Variants in CSPP1 observed in about 807,000 individuals in gnomAD.
CSPP1 encodes centrosome and spindle pole-associated protein 1.
In CSPP1, 126 loss-of-function variants were observed where a neutral mutation model predicts 164.4. The ratio of observed to expected loss-of-function variants is 0.77; its 90% CI spans 0.66 to 0.89. The LOEUF is 0.89. CSPP1 is among the 40% of genes least tolerant of loss of function. CSPP1 has a pLI of 0.00. For synonymous variants in CSPP1, 472 were observed against 476.7 expected (o/e 0.99, Z 0.13); for missense variants, 1,395 against 1,449.8 (o/e 0.96, Z 0.61).
chr8:67,184,941 T>TAAAAAAA (rs1834077276), intron 28 of CSPP1, among the ~76,000 whole-genome samples: 1 of 22,328 alleles, frequency 4.5e-5, no homozygotes, highest in African/African-American at 1.7e-4. Flanking sequence ...CTACTAAAAA[T>TAAAAAAA]ACAAAAAAAA....
At chr8:67,064,650 T>G (rs2129538491) in intron 1 of CSPP1, 112 bp downstream of exon 1, 8 of 633,294 alleles carry the variant, frequency 1.3e-5, no homozygotes, top group East Asian at 2.0e-4. Flanking sequence ...TCGAGGCAAC[T>G]AGGCCGGCGA....
chr8:67,158,672 C>T, intron 20 of CSPP1, 76 bp downstream of exon 20: 2 of 1,479,750 alleles, frequency 1.4e-6, no homozygotes, highest in East Asian at 2.5e-5. Flanking sequence ...GTATTTCTTA[C>T]TTATAAAGGA....
intron 17 of CSPP1, among the ~76,000 whole-genome samples, chr8:67,145,712 G>T (rs1017230634): frequency 3.3e-5 from 5 of 151,834 alleles, no homozygotes; most frequent in Non-Finnish European, 7.4e-5. Flanking sequence ...ATTTTTAGTA[G>T]AGACGGGGTT....
chr8:67,077,739 T>G (rs1808264898), intron 3 of CSPP1, among the ~76,000 whole-genome samples: 1 of 152,238 alleles, frequency 6.6e-6, no homozygotes, highest in East Asian at 1.9e-4. Context: ...ATTAAAGCAT[T>G]GTTCTCAAAT....
Position 67,175,456 on chromosome 8 carries a change from G to C in CSPP1, c.3109+20G>C. On this transcript the variant is annotated intron_variant, in intron 26 of 30. Transcript: ENST00000678616. ...CCAAAGGTAAGAAATAATCATTGCTGTGTCAAATAGTATCAGCACGCTGTT... is the reference window on the plus strand; with the variant it reads ...CCAAAGGTAAGAAATAATCATTGCTCTGTCAAATAGTATCAGCACGCTGTT... The C allele has an allele frequency of 6.2e-7, 1 of 1,613,694 alleles. No individual in the cohort carries two copies. Among genetic ancestry groups the C allele is most frequent in the African/African-American group, 1.3e-5 (1 of 75,020 alleles).
intron 8 of CSPP1, among the ~76,000 whole-genome samples, chr8:67,103,696 C>T (rs1814666523): frequency 6.6e-6 from 1 of 151,506 alleles, no homozygotes; most frequent in African/African-American, 2.4e-5. Context: ...GTGGCAATCC[C>T]TGTAATCCCT....
chr8:67,165,342 C>T (rs914669344), intron 24 of CSPP1, among the ~76,000 whole-genome samples: 6 of 152,170 alleles, frequency 3.9e-5, no homozygotes, highest in Admixed American at 3.3e-4. Context: ...CCAGTTTTCC[C>T]TATTGTTAAC....
intron 13 of CSPP1, among the ~76,000 whole-genome samples, chr8:67,117,906 C>T (rs1470443821): frequency 1.3e-5 from 2 of 152,008 alleles, no homozygotes; most frequent in Non-Finnish European, 2.9e-5. Flanking sequence ...ATTTAATTTG[C>T]TTGTACTTGA....
At chr8:67,142,468 AT>A (rs1823698951) in intron 17 of CSPP1, among the ~76,000 whole-genome samples, 1 of 152,106 alleles carries the variant, frequency 6.6e-6, no homozygotes, top group South Asian at 2.1e-4. Context: ...TGTTTCTGAG[AT>A]TCATCCATGT....
At chr8:67,114,016 A>G in intron 11 of CSPP1, 154 bp downstream of exon 11, 1 of 517,304 alleles carries the variant, frequency 1.9e-6, no homozygotes, top group Non-Finnish European at 3.5e-6. Context: ...TAAAGTGTAA[A>G]TTCTCTTAAC....
chr8:67,111,851 G>C, intron 9 of CSPP1, 121 bp from the exon 10 acceptor site: 1 of 518,060 alleles, frequency 1.9e-6, no homozygotes, highest in Non-Finnish European at 3.4e-6. Flanking sequence ...TTTTCCTTCT[G>C]TATTTCTTGC....
At chr8:67,145,411 A>AT (rs971117072) in intron 17 of CSPP1, among the ~76,000 whole-genome samples, 8 of 149,558 alleles carry the variant, frequency 5.3e-5, no homozygotes, top group South Asian at 2.1e-4. Context: ...GTTTTCATTG[A>AT]TTTTTTTTCT....
At chr8:67,142,074 A>C (rs1823622595) in intron 17 of CSPP1, among the ~76,000 whole-genome samples, 2 of 152,202 alleles carry the variant, frequency 1.3e-5, no homozygotes, top group Non-Finnish European at 2.9e-5. Flanking sequence ...AAATATAAAA[A>C]TGTGTTATTC....
intron 9 of CSPP1, among the ~76,000 whole-genome samples, chr8:67,107,994 T>TG: frequency 6.6e-6 from 1 of 150,684 alleles, no homozygotes; most frequent in East Asian, 1.9e-4. Context: ...TTTTTTTTTT[T>TG]TTTTTTTGTT....
In CSPP1 at chr8:67,193,518, A is replaced by T. The variant is rs1369231073; in HGVS notation, c.3385A>T (p.Ser1129Cys). 2.5e-6 allele frequency: 4 copies of T among 1,612,658 alleles called. No homozygotes were observed. In the South Asian group the frequency reaches 4.4e-5, roughly 18 times the overall value. Reference sequence around the variant, plus strand: ...TGGTCTCTCTCTAAAATCTATATCCAGTGTAAATGTTGATGAGCTTAGAGT... The same window carrying T: ...TGGTCTCTCTCTAAAATCTATATCCTGTGTAAATGTTGATGAGCTTAGAGT... ...PDGLSLKSIS[S>C]VNVDELRVRN... is the part of the protein sequence containing the mutation. Residue 1129 changes from serine (S) to cysteine (C), a missense_variant, in exon 30 of 31, where the codon AGT (serine) becomes TGT (cysteine). By Grantham distance (112) the Ser-to-Cys change is moderately radical. Transcript: ENST00000678616.
chr8:67,126,834 T>C (rs1216740646), intron 15 of CSPP1, among the ~76,000 whole-genome samples: 3 of 152,154 alleles, frequency 2.0e-5, no homozygotes, highest in African/African-American at 7.2e-5. Flanking sequence ...ATAGCTATGA[T>C]GTTAAGTAAT....
At chr8:67,110,245 A>T (rs1021872688) in intron 9 of CSPP1, among the ~76,000 whole-genome samples, 2 of 151,018 alleles carry the variant, frequency 1.3e-5, no homozygotes, top group Non-Finnish European at 3.0e-5. Context: ...TGCAGTCTGA[A>T]TTTTTTCCCA....
chr8:67,101,478 T>A (rs138374992), intron 7 of CSPP1, among the ~76,000 whole-genome samples: 1 of 152,308 alleles, frequency 6.6e-6, no homozygotes, highest in East Asian at 1.9e-4. Flanking sequence ...TCTGGTTGCC[T>A]GGCAGTGTTA....
chr8:67,169,522 CTCTGCCTCCCGGGT>C (rs1830082644), intron 24 of CSPP1, among the ~76,000 whole-genome samples: 2 of 152,266 alleles, frequency 1.3e-5, no homozygotes, highest in South Asian at 4.1e-4. Flanking sequence ...TCACTGCAAC[CTCTGCCTCCCGGGT>C]TCAAGTGTTT....
Sources: allele counts gnomAD v4.1 joint callset (sites outside exome capture counted in the v4.1 genomes callset), GRCh38; gene constraint gnomAD v4.1.1; transcripts MANE v1.5; gene names NCBI Gene and HGNC (gene_info 2026-07-23, HGNC 2026-07-21).